PCDHA3: variants seen among roughly 807,000 people sequenced by gnomAD.
PCDHA3 encodes protocadherin alpha-3.
A neutral mutation model predicts 62.2 loss-of-function variants in PCDHA3; 41 were observed. That is an observed-to-expected ratio of 0.66 (90% CI 0.51 to 0.86). The LOEUF is 0.86. PCDHA3 is among the 40% of genes least tolerant of loss of function. The probability of loss-of-function intolerance (pLI) is 0.00; values close to 1 mark genes in which losing one functional copy is unlikely to be tolerated. For missense variants in PCDHA3, 1,304 were observed against 1,241.2 expected (o/e 1.05, Z -0.76); for synonymous variants, 640 against 555.4 (o/e 1.15, Z -2.14).
At chr5:140,823,251 G>C (rs781822004) in intron 1 of PCDHA3, 2 of 1,613,318 alleles carry the variant, frequency 1.2e-6, no homozygotes, top group Non-Finnish European at 1.7e-6. Context: ...TGTCCTACTC[G>C]CTGGTGGAGC....
chr5:140,884,176 T>G, intron 1 of PCDHA3: 1 of 1,613,372 alleles, frequency 6.2e-7, no homozygotes, highest in Non-Finnish European at 8.5e-7. Flanking sequence ...CGACGCGCCC[T>G]CTGGACGAGG....
chr5:140,808,851 T>C (rs781838352), intron 1 of PCDHA3: 25 of 1,613,028 alleles, frequency 1.5e-5, no homozygotes, highest in Non-Finnish European at 2.0e-5. Flanking sequence ...CAGGTGTTCG[T>C]GCTGGACGAA....
intron 1 of PCDHA3, chr5:140,814,606 T>A (rs2126657141): frequency 6.6e-6 from 1 of 152,320 alleles, no homozygotes; most frequent in Non-Finnish European, 1.5e-5. Flanking sequence ...TGTGCTATCT[T>A]GTACTTTTAT....
intron 3 of PCDHA3, among the ~76,000 whole-genome samples, chr5:140,989,861 C>G (rs1449611550): frequency 6.6e-6 from 1 of 152,042 alleles, no homozygotes; most frequent in Non-Finnish European, 1.5e-5. Context: ...GGAGAGGAAT[C>G]TTTCTCTGCC....
intron 1 of PCDHA3, among the ~76,000 whole-genome samples, chr5:140,921,791 A>G (rs1170709759): frequency 3.9e-5 from 6 of 152,160 alleles, no homozygotes; most frequent in Non-Finnish European, 5.9e-5. Context: ...GATGTTCTAG[A>G]TAACACAAGA....
chr5:140,852,926 T>C (rs1274481129), intron 1 of PCDHA3: 1 of 649,848 alleles, frequency 1.5e-6, no homozygotes, highest in Non-Finnish European at 2.0e-6. Flanking sequence ...TTGCCCAGGC[T>C]GGAGTGCAGT....
chr5:140,842,695 C>T, intron 1 of PCDHA3: 1 of 1,595,194 alleles, frequency 6.3e-7, no homozygotes, highest in Non-Finnish European at 8.6e-7. Context: ...TCGCGCAGCC[C>T]GAGTACACGG....
At chr5:140,973,665 T>C (rs1309458037) in intron 1 of PCDHA3, among the ~76,000 whole-genome samples, 2 of 152,248 alleles carry the variant, frequency 1.3e-5, no homozygotes, top group Non-Finnish European at 2.9e-5. Context: ...CTATTTATTG[T>C]AGCTTGAATG....
chr5:140,974,636 C>T (rs1208653634), intron 1 of PCDHA3, among the ~76,000 whole-genome samples: 2 of 152,054 alleles, frequency 1.3e-5, no homozygotes, highest in African/African-American at 4.8e-5. Flanking sequence ...CTCAACCTCC[C>T]GAGTAGCTGA....
rs562257406 is a variant in PCDHA3 at position 140,883,263 on chromosome 5, G to A, written c.2394+79672G>A. 5.0e-6 allele frequency: 8 copies of A among 1,613,870 alleles called. No individual in the cohort carries two copies. The Admixed American group carries it at 6.7e-5, about 13-fold the overall frequency. ...GACAAAGGAAATATTCCAATGGCGG[G>A]TCATTGTACCCTTTTGGTGGAAGTA... On this transcript the variant is annotated intron_variant, in intron 1 of 3. Transcript: ENST00000522353.
chr5:140,833,761 C>A (rs1284549843), intron 1 of PCDHA3, among the ~76,000 whole-genome samples: 5 of 151,960 alleles, frequency 3.3e-5, no homozygotes, highest in African/African-American at 7.3e-5. Context: ...AACACACACA[C>A]ACACACCGCT....
intron 1 of PCDHA3, among the ~76,000 whole-genome samples, chr5:140,910,422 C>T (rs1184807086): frequency 6.6e-6 from 1 of 152,148 alleles, no homozygotes; most frequent in Non-Finnish European, 1.5e-5. Flanking sequence ...TCCAATTATT[C>T]CCATTGCATT....
At position 140,802,899 on chromosome 5, in the gene PCDHA3, C is replaced by T. The variant is rs782451626; in HGVS notation, c.1702C>T (p.Pro568Ser). 2.5e-6 allele frequency: 4 copies of T among 1,613,792 alleles called. No homozygotes were observed. The highest frequency in any genetic ancestry group is 1.1e-5 in the South Asian group (1 of 91,076). The change falls in exon 1 of 4, where the codon CCT (proline) becomes TCT (serine). Residue 568 changes from proline (P) to serine (S), a missense_variant. Physicochemically the swap from Pro to Ser is moderately conservative, Grantham distance 74. Coordinates refer to ENST00000522353, the MANE Select transcript of PCDHA3 (RefSeq NM_018906.3). Reference sequence around the variant, plus strand: ...CGACAACGCGCCGGCACTGCTGATGCCTCGGGTGGGTGGCATCGGTGGCGC... The same window carrying T: ...CGACAACGCGCCGGCACTGCTGATGTCTCGGGTGGGTGGCATCGGTGGCGC... ...ENDNAPALLM[P>S]RVGGIGGAVS...
intron 3 of PCDHA3, among the ~76,000 whole-genome samples, chr5:141,003,410 C>T (rs1282162216): frequency 1.3e-5 from 2 of 152,110 alleles, no homozygotes; most frequent in Non-Finnish European, 2.9e-5. Flanking sequence ...CTCCCGGGTT[C>T]GAGTGATTCT....
chr5:140,901,175 T>C (rs2068484045), intron 1 of PCDHA3, among the ~76,000 whole-genome samples: 1 of 152,162 alleles, frequency 6.6e-6, no homozygotes, highest in African/African-American at 2.4e-5. Context: ...CTTCACTTTG[T>C]TGATTGTTTG....
At chr5:140,908,165 G>T (rs1422050863) in intron 1 of PCDHA3, among the ~76,000 whole-genome samples, 1 of 152,222 alleles carries the variant, frequency 6.6e-6, no homozygotes, top group African/African-American at 2.4e-5. Context: ...GGGCTGTAGT[G>T]CTGCAGCTGT....
chr5:140,923,489 A>C (rs549066009), intron 1 of PCDHA3, among the ~76,000 whole-genome samples: 2 of 152,182 alleles, frequency 1.3e-5, no homozygotes, highest in Non-Finnish European at 2.9e-5. Flanking sequence ...TCTTCACACC[A>C]CTGCACTCCA....
At chr5:140,888,703 G>C (rs547593291) in intron 1 of PCDHA3, among the ~76,000 whole-genome samples, 1 of 152,180 alleles carries the variant, frequency 6.6e-6, no homozygotes, top group Admixed American at 6.5e-5. Context: ...TGATTGGTAG[G>C]AATGTGAAAT....
At chr5:140,904,018 A>G (rs2070774543) in intron 1 of PCDHA3, among the ~76,000 whole-genome samples, 1 of 152,198 alleles carries the variant, frequency 6.6e-6, no homozygotes. Context: ...TTAAAAAATA[A>G]TGGTATAATT....
Sources: allele counts gnomAD v4.1 joint callset (sites outside exome capture counted in the v4.1 genomes callset), GRCh38; gene constraint gnomAD v4.1.1; transcripts MANE v1.5; gene names NCBI Gene and HGNC (gene_info 2026-07-23, HGNC 2026-07-21).